Variants in SEC14L6 observed in about 807,000 individuals in gnomAD.
SEC14L6 encodes the protein SEC14 like lipid binding 6.
Under a neutral mutation model 54.1 loss-of-function variants are expected in SEC14L6, and 40 were observed. That is an observed-to-expected ratio of 0.74 (90% CI 0.57 to 0.96). The LOEUF (loss-of-function observed/expected upper bound fraction) is 0.96, where lower values mean the gene tolerates loss of function less well. Among genes scored for constraint, SEC14L6 ranks in the 40% least tolerant of loss-of-function variants. The pLI is 0.00. For missense variants in SEC14L6, 471 were observed against 498.3 expected, an observed-to-expected ratio of 0.95 and a Z score of 0.52; for synonymous variants, 171 against 198.4, an observed-to-expected ratio of 0.86 and a Z score of 1.16.
chr22:30,525,535 C>T lies in SEC14L6; in HGVS notation c.912-16G>A. 6.2e-7 allele frequency: 1 copy of T among 1,612,096 alleles called. No individual in the cohort carries two copies. Among genetic ancestry groups the T allele is most frequent in the East Asian group, 2.2e-5 (1 of 44,822 alleles). ...AAACTGCCACCTGCAGTGGATAGAGCCCCATTGGCGACCCCCTGCCTGGGC... is the reference window on the plus strand; with the variant it reads ...AAACTGCCACCTGCAGTGGATAGAGTCCCATTGGCGACCCCCTGCCTGGGC... On this transcript the variant is annotated splice_polypyrimidine_tract_variant and intron_variant, in intron 10 of 11. Coordinates refer to ENST00000402034, the MANE Select transcript of SEC14L6 (RefSeq NM_001193336.4).
At chr22:30,531,522 C>T (rs1323070582) in intron 6 of SEC14L6, among the ~76,000 whole-genome samples, 2 of 152,028 alleles carry the variant, frequency 1.3e-5, no homozygotes, top group South Asian at 2.1e-4. Flanking sequence ...GTTGGGAGTT[C>T]GAGACCAGCC....
At chr22:30,529,236 C>G (rs1273989927) in intron 7 of SEC14L6, 53 bp downstream of exon 7, 2 of 1,545,538 alleles carry the variant, frequency 1.3e-6, no homozygotes, top group Non-Finnish European at 1.8e-6. Flanking sequence ...CACCCGGTCA[C>G]CGCACATCCC....
chr22:30,532,502 T>C, intron 5 of SEC14L6, 23 bp downstream of exon 5: 1 of 1,533,022 alleles, frequency 6.5e-7, no homozygotes, highest in South Asian at 1.2e-5. Context: ...CGGCTGCAGC[T>C]GCCCAGGGTG....
chr22:30,534,813 T>C (rs1937094150), intron 2 of SEC14L6, among the ~76,000 whole-genome samples: 1 of 152,024 alleles, frequency 6.6e-6, no homozygotes, highest in Non-Finnish European at 1.5e-5. Flanking sequence ...TCACCTGAGG[T>C]CAGGAGTTCG....
intron 6 of SEC14L6, among the ~76,000 whole-genome samples, chr22:30,530,141 G>A (rs566627530): frequency 1.3e-5 from 2 of 152,200 alleles, no homozygotes; most frequent in African/African-American, 4.8e-5. Flanking sequence ...CGGGCGTGGT[G>A]GCTCACGCCT....
chr22:30,541,170 T>C (rs1014517097), intron 1 of SEC14L6, among the ~76,000 whole-genome samples: 19 of 151,742 alleles, frequency 1.3e-4, no homozygotes, highest in African/African-American at 3.6e-4. Context: ...AAAAGATTCA[T>C]ACAATTCAAG....
In SEC14L6 at chr22:30,534,041, T is replaced by C; in HGVS notation, c.131-2A>G. On this transcript the variant is annotated splice_acceptor_variant, in intron 2 of 11. Coordinates refer to ENST00000402034, the MANE Select transcript of SEC14L6 (RefSeq NM_001193336.4). LOFTEE classifies it high-confidence loss of function. Reference sequence around the variant, plus strand: ...ATTTCTGCAGGTCAAAGCTCCGAGCTGCAACAAGAGACAGGGTTATGGTTG... The same window carrying C: ...ATTTCTGCAGGTCAAAGCTCCGAGCCGCAACAAGAGACAGGGTTATGGTTG... 6.4e-7 allele frequency: 1 copy of C among 1,550,866 alleles called. No individual in the cohort carries two copies. The highest frequency in any genetic ancestry group is 8.7e-7 in the Non-Finnish European group (1 of 1,146,976).
At chr22:30,538,780 C>T in intron 2 of SEC14L6, 47 bp downstream of exon 2, 4 of 1,308,346 alleles carry the variant, frequency 3.1e-6, no homozygotes, top group Non-Finnish European at 4.3e-6. Context: ...AAATACACTC[C>T]TCTTTCATGC....
chr22:30,532,353 A>C (rs1937006350), intron 5 of SEC14L6, 172 bp downstream of exon 5: 1 of 941,094 alleles, frequency 1.1e-6, no homozygotes, highest in African/African-American at 1.8e-5. Flanking sequence ...CAGTTCAGCC[A>C]CATACTGTGT....
chr22:30,540,584 C>T (rs1028507241), intron 1 of SEC14L6, among the ~76,000 whole-genome samples: 1 of 151,668 alleles, frequency 6.6e-6, no homozygotes, highest in Non-Finnish European at 1.5e-5. Flanking sequence ...GGTGTGGTGG[C>T]GCACGCCTGT....
chr22:30,526,064 A>T, intron 8 of SEC14L6, 132 bp from the exon 9 acceptor site: 1 of 1,055,442 alleles, frequency 9.5e-7, no homozygotes, highest in Non-Finnish European at 1.4e-6. Context: ...TCCATTGCCT[A>T]GAGCAGTCCT....
At chr22:30,534,724 T>A (rs1937090824) in intron 2 of SEC14L6, among the ~76,000 whole-genome samples, 1 of 151,924 alleles carries the variant, frequency 6.6e-6, no homozygotes. Context: ...TAATACTCTT[T>A]AAAAAAATCA....
intron 2 of SEC14L6, among the ~76,000 whole-genome samples, chr22:30,538,162 A>C (rs890492207): frequency 6.6e-6 from 1 of 152,090 alleles, no homozygotes; most frequent in Non-Finnish European, 1.5e-5. Flanking sequence ...TAACATGAGG[A>C]AACCCTGTCT....
At chr22:30,542,649 A>G (rs952920136) in intron 1 of SEC14L6, 25 of 1,550,616 alleles carry the variant, frequency 1.6e-5, no homozygotes, top group African/African-American at 5.5e-5. Context: ...GCGCCTGGTC[A>G]GGAGTGGCGG....
intron 1 of SEC14L6, chr22:30,542,620 C>T (rs2085743127): frequency 2.0e-6 from 3 of 1,535,696 alleles, no homozygotes; most frequent in African/African-American, 1.4e-5. Context: ...GCTGCTCTGC[C>T]TGCTGCTCCC....
At chr22:30,527,089 C>T (rs888373784) in intron 8 of SEC14L6, among the ~76,000 whole-genome samples, 4 of 151,654 alleles carry the variant, frequency 2.6e-5, no homozygotes, top group Non-Finnish European at 5.9e-5. Flanking sequence ...CACAGAGAGA[C>T]CTTATCTCTG....
At chr22:30,543,275 G>A (rs2085757043) in intron 1 of SEC14L6, 4 of 1,585,770 alleles carry the variant, frequency 2.5e-6, no homozygotes, top group Admixed American at 3.3e-5. Context: ...GTCACCTTGC[G>A]GGGGGACTCT....
intron 1 of SEC14L6, chr22:30,544,131 C>A: frequency 1.6e-6 from 2 of 1,255,478 alleles, no homozygotes; most frequent in South Asian, 1.3e-5. Flanking sequence ...TCTTCCTTGT[C>A]CCACAAGGAG....
chr22:30,527,074 G>A (rs1936801504), intron 8 of SEC14L6, among the ~76,000 whole-genome samples: 1 of 151,656 alleles, frequency 6.6e-6, no homozygotes, highest in South Asian at 2.1e-4. Flanking sequence ...CTGCAGCCTG[G>A]GAAACACAGA....
Sources: allele counts gnomAD v4.1 joint callset (sites outside exome capture counted in the v4.1 genomes callset), GRCh38; gene constraint gnomAD v4.1.1; transcripts MANE v1.5; gene names NCBI Gene and HGNC (gene_info 2026-07-23, HGNC 2026-07-21).